The following TRPM8 variants were observed in gnomAD, a reference collection of about 807,000 sequenced individuals.
The protein encoded by TRPM8 is transient receptor potential cation channel subfamily M member 8.
A neutral mutation model predicts 133.7 loss-of-function variants in TRPM8; 110 were observed. The ratio of observed to expected loss-of-function variants is 0.82; its 90% CI spans 0.70 to 0.96. The LOEUF (loss-of-function observed/expected upper bound fraction) is 0.96, where lower values mean the gene tolerates loss of function less well. TRPM8 is among the 40% of genes least tolerant of loss of function. TRPM8 has a pLI of 0.00. For synonymous variants in TRPM8, 535 were observed against 532.3 expected (o/e 1.01, Z -0.07); for missense variants, 1,291 against 1,379.5 (o/e 0.94, Z 1.02).
intron 2 of TRPM8, among the ~76,000 whole-genome samples, chr2:233,926,866 C>T (rs1161733831): frequency 6.6e-6 from 1 of 152,122 alleles, no homozygotes; most frequent in African/African-American, 2.4e-5. Context: ...AGTTTGGGTC[C>T]ATCTGCATTT....
intron 17 of TRPM8, among the ~76,000 whole-genome samples, chr2:233,972,658 G>T (rs372649946): frequency 6.6e-6 from 1 of 152,226 alleles, no homozygotes; most frequent in Non-Finnish European, 1.5e-5. Flanking sequence ...GTGCAGCGCC[G>T]GTGGGCCGGC....
At chr2:233,969,364 G>A (rs561199371) in intron 15 of TRPM8, among the ~76,000 whole-genome samples, 10 of 151,854 alleles carry the variant, frequency 6.6e-5, no homozygotes, top group Non-Finnish European at 1.3e-4. Context: ...GCACATTCCT[G>A]TAATCCCAGC....
At chr2:234,007,933 T>A in intron 23 of TRPM8, 137 bp from the exon 24 acceptor site, 1 of 883,980 alleles carries the variant, frequency 1.1e-6, no homozygotes. Flanking sequence ...TAAATGCAGC[T>A]GATTCTTGAT....
At chr2:233,952,214 G>T (rs1055640798) in intron 9 of TRPM8, among the ~76,000 whole-genome samples, 1 of 152,132 alleles carries the variant, frequency 6.6e-6, no homozygotes, top group African/African-American at 2.4e-5. Context: ...AAAGAATTGC[G>T]TACACGACAG....
intron 14 of TRPM8, among the ~76,000 whole-genome samples, chr2:233,965,489 G>A (rs1691544912): frequency 6.6e-6 from 1 of 152,178 alleles, no homozygotes; most frequent in Non-Finnish European, 1.5e-5. Context: ...CATTCAGGAA[G>A]GTGAGAAATC....
chr2:233,981,825 T>C lies in TRPM8; in HGVS notation c.2499T>C (p.Cys833=). 6.2e-7 allele frequency: 1 copy of C among 1,613,860 alleles called. No homozygotes were observed. Among genetic ancestry groups the C allele is most frequent in the Non-Finnish European group, 8.5e-7 (1 of 1,179,874 alleles). The change falls in exon 19 of 26, where the codon TGT becomes TGC. Residue 833 remains cysteine (C), a synonymous_variant. Transcript: ENST00000324695. The stretch of plus-strand genomic sequence containing the variant: ...TGTATTCTGGACGAGTCATTTTCTG[T>C]CTGGACTACATTATTTTCACTCTAA... ...SSLYSGRVIF[C]LDYIIFTLRL...
chr2:233,978,587 T>A (rs912432351), intron 17 of TRPM8, among the ~76,000 whole-genome samples: 1 of 152,208 alleles, frequency 6.6e-6, no homozygotes, highest in Admixed American at 6.5e-5. Context: ...TTTGTGGAAA[T>A]CTCTTCAAGA....
intron 17 of TRPM8, among the ~76,000 whole-genome samples, chr2:233,971,339 T>G (rs1385208732): frequency 6.6e-6 from 1 of 152,196 alleles, no homozygotes; most frequent in Non-Finnish European, 1.5e-5. Context: ...TGACAGACTT[T>G]TTTTAGTGAC....
intron 3 of TRPM8, among the ~76,000 whole-genome samples, chr2:233,932,281 G>A (rs1250522085): frequency 6.6e-6 from 1 of 152,192 alleles, no homozygotes; most frequent in Non-Finnish European, 1.5e-5. Flanking sequence ...ACTATTGGAG[G>A]CAAAATGGTC....
At chr2:233,982,020 C>A in intron 19 of TRPM8, 105 bp downstream of exon 19, 2 of 1,224,060 alleles carry the variant, frequency 1.6e-6, no homozygotes, top group Non-Finnish European at 2.2e-6. Flanking sequence ...TTGCATTTCA[C>A]CATCAGTAAC....
At chr2:233,952,861 A>G (rs939864529) in intron 9 of TRPM8, among the ~76,000 whole-genome samples, 6 of 152,064 alleles carry the variant, frequency 3.9e-5, no homozygotes, top group Non-Finnish European at 8.8e-5. Flanking sequence ...GAAAATAAAA[A>G]TAACCCCTTG....
intron 6 of TRPM8, among the ~76,000 whole-genome samples, chr2:233,943,695 T>C (rs143146503): frequency 7.1e-4 from 108 of 152,228 alleles, no homozygotes; most frequent in African/African-American, 2.5e-3. Flanking sequence ...AAATACAAGG[T>C]AGACATATGG....
intron 21 of TRPM8, among the ~76,000 whole-genome samples, chr2:233,986,909 A>G (rs1692160353): frequency 6.6e-6 from 1 of 152,210 alleles, no homozygotes; most frequent in Non-Finnish European, 1.5e-5. Context: ...AGGTGGAAAC[A>G]ATGAAACGCT....
At position 234,006,891 on chromosome 2, in the gene TRPM8, G is replaced by C. The variant is rs1429580861; in HGVS notation, c.3169G>C (p.Gly1057Arg). The C allele has an allele frequency of 4.3e-6, 7 of 1,613,838 alleles. No individual in the cohort carries two copies. Among genetic ancestry groups the C allele is most frequent in the Non-Finnish European group, 5.9e-6 (7 of 1,179,866 alleles). ...AGACAATGAGACTCTGGCATGGGAGGGTGTCATGAAGGAAAACTACCTTGT... is the reference window on the plus strand; with the variant it reads ...AGACAATGAGACTCTGGCATGGGAGCGTGTCATGAAGGAAAACTACCTTGT... Reference protein sequence around the residue: ...NEDNETLAWEGVMKENYLVKI... With the variant: ...NEDNETLAWERVMKENYLVKI... Residue 1057 changes from glycine to arginine, a missense_variant, in exon 23 of 26, where the codon GGT becomes CGT. Coordinates refer to ENST00000324695, the MANE Select transcript of TRPM8 (RefSeq NM_024080.5).
At position 233,964,775 on chromosome 2, in the gene TRPM8, A is replaced by C. The variant is rs1691524808; in HGVS notation, c.1879+18A>C. Reference sequence around the variant, plus strand: ...GGCTGTTGGTGAGTCCACAGTGTGGAATGCTGTGGTGGGCGCGGATCTGCC... The same window carrying C: ...GGCTGTTGGTGAGTCCACAGTGTGGCATGCTGTGGTGGGCGCGGATCTGCC... On this transcript the variant is annotated intron_variant, in intron 14 of 25. Transcript: ENST00000324695. The C allele has an allele frequency of 6.3e-7, 1 of 1,594,056 alleles. No individual in the cohort carries two copies. Among genetic ancestry groups the C allele is most frequent in the Non-Finnish European group, 8.6e-7 (1 of 1,165,406 alleles).
intron 17 of TRPM8, chr2:233,970,689 T>C: frequency 1.9e-6 from 1 of 517,520 alleles, no homozygotes; most frequent in South Asian, 2.1e-5. Context: ...AATGGGGGAG[T>C]GTTCAAAGAG....
chr2:233,926,943 C>T (rs920390213), intron 2 of TRPM8, among the ~76,000 whole-genome samples: 6 of 152,102 alleles, frequency 3.9e-5, no homozygotes, highest in Admixed American at 1.3e-4. Flanking sequence ...CCAGCTTCTA[C>T]GCTGCCTTCA....
chr2:233,980,936 A>G (rs1691991161), intron 18 of TRPM8, among the ~76,000 whole-genome samples: 1 of 150,610 alleles, frequency 6.6e-6, no homozygotes, highest in Non-Finnish European at 1.5e-5. Context: ...GCAACTGGGC[A>G]TGGTGGCTCA....
At chr2:233,927,860 CTCTTTCTTT>C (rs1691584006) in intron 2 of TRPM8, among the ~76,000 whole-genome samples, 1 of 24,092 alleles carries the variant, frequency 4.2e-5, no homozygotes, top group South Asian at 1.4e-3. Flanking sequence ...TCCTTTCTTT[CTCTTTCTTT>C]CTTTCTTTCT....
Sources: allele counts gnomAD v4.1 joint callset (sites outside exome capture counted in the v4.1 genomes callset), GRCh38; gene constraint gnomAD v4.1.1; transcripts MANE v1.5; gene names NCBI Gene and HGNC (gene_info 2026-07-23, HGNC 2026-07-21).